TARS3: variants seen among roughly 807,000 people sequenced by gnomAD.
TARS3 encodes threonyl-tRNA synthetase 3.
TARS3 carries 94 observed loss-of-function variants against 103.5 expected under a neutral mutation model. The ratio of observed to expected loss-of-function variants is 0.91; its 90% CI spans 0.77 to 1.08. The LOEUF (loss-of-function observed/expected upper bound fraction) is 1.08, where lower values mean the gene tolerates loss of function less well. TARS3 is among the 50% of genes least tolerant of loss of function. The probability of loss-of-function intolerance (pLI) is 0.00; values close to 1 mark genes in which losing one functional copy is unlikely to be tolerated. For synonymous variants in TARS3, 416 were observed against 355.4 expected, an observed-to-expected ratio of 1.17 and a Z score of -1.92; for missense variants, 952 against 995.2, an observed-to-expected ratio of 0.96 and a Z score of 0.58.
At chr15:101,712,407 G>C (rs900629825) in intron 4 of TARS3, among the ~76,000 whole-genome samples, 13 of 152,184 alleles carry the variant, frequency 8.5e-5, no homozygotes, top group South Asian at 8.3e-4. Context: ...TTTTCTCCAG[G>C]GGCACCCTCT....
chr15:101,712,889 C>A (rs1899938033), intron 4 of TARS3, among the ~76,000 whole-genome samples: 1 of 152,132 alleles, frequency 6.6e-6, no homozygotes, highest in Admixed American at 6.6e-5. Context: ...CAATCCCAGC[C>A]CACAGCAATA....
chr15:101,700,126 T>C (rs1316054966), intron 10 of TARS3, among the ~76,000 whole-genome samples: 1 of 152,116 alleles, frequency 6.6e-6, no homozygotes, highest in African/African-American at 2.4e-5. Context: ...CATGAATTAG[T>C]GGTAGGCACA....
At chr15:101,661,948 G>A (rs1454083344) in intron 15 of TARS3, 132 bp from the exon 16 acceptor site, 1 of 506,424 alleles carries the variant, frequency 2.0e-6, no homozygotes, top group African/African-American at 2.0e-5. Flanking sequence ...TTTGTTCTGT[G>A]ACTGTCTTGT....
In TARS3 at chr15:101,654,503, G is replaced by C. The variant is rs553514547; in HGVS notation, c.*79C>G. On this transcript the variant is annotated 3_prime_UTR_variant, in exon 19 of 19. Coordinates refer to ENST00000335968, the MANE Select transcript of TARS3 (RefSeq NM_152334.3). Reference sequence around the variant, plus strand: ...ACCCATCAGTGGCTCCAAAGTCGTAGAAGTACTAACATGTTAAGAAAAATA... The same window carrying C: ...ACCCATCAGTGGCTCCAAAGTCGTACAAGTACTAACATGTTAAGAAAAATA... The C allele has an allele frequency of 6.7e-7, 1 of 1,500,926 alleles. No homozygotes were observed. Among genetic ancestry groups the C allele is most frequent in the African/African-American group, 1.4e-5 (1 of 70,808 alleles). 93.0% of individuals were successfully genotyped at this position (1,500,926 alleles called of 1,614,324 possible).
intron 10 of TARS3, chr15:101,699,366 G>A (rs965663034): frequency 4.2e-5 from 19 of 455,704 alleles, no homozygotes; most frequent in Middle Eastern, 6.5e-4. Flanking sequence ...GTGCATTTAA[G>A]TGCCTTTACA....
At position 101,724,265 on chromosome 15, in the gene TARS3, G is replaced by C. The variant is rs773000889; in HGVS notation, c.123C>G (p.Tyr41Ter). 1 of 1,569,296 alleles carries C rather than the reference G, an allele frequency of 6.4e-7. No individual in the cohort carries two copies. The highest frequency in any genetic ancestry group is 1.4e-5 in the African/African-American group (1 of 71,970). The change falls in exon 1 of 19, where the codon TAC becomes TAG. Residue 41 changes from tyrosine to a stop codon, truncating the protein, a stop_gained. Transcript: ENST00000335968. LOFTEE classifies it high-confidence loss of function. ...GGCACGGCCCCTCCGCCTGGCAGCT[G>C]TAGGGCGCGTTCAGCTGCTCGTCCC... is the stretch of plus-strand genomic sequence containing the variant. ...RLRDEQLNAP[Y>*]SCQAEGPCLT...
intron 3 of TARS3, among the ~76,000 whole-genome samples, chr15:101,718,292 C>A (rs146148012): frequency 1.8e-3 from 263 of 150,188 alleles, no homozygotes; most frequent in African/African-American, 6.0e-3. Context: ...CGCTTGAAAC[C>A]GGAGGGCGGA....
intron 6 of TARS3, among the ~76,000 whole-genome samples, chr15:101,708,353 T>C (rs898328590): frequency 6.8e-6 from 1 of 147,094 alleles, no homozygotes; most frequent in African/African-American, 2.5e-5. Context: ...AAATCAGGAA[T>C]ATATTTAAGT....
At chr15:101,664,924 C>A (rs1474250877) in intron 15 of TARS3, among the ~76,000 whole-genome samples, 1 of 146,772 alleles carries the variant, frequency 6.8e-6, no homozygotes, top group Non-Finnish European at 1.6e-5. Flanking sequence ...AAAACACGAA[C>A]AACAGAGATT....
chr15:101,662,613 ACT>A (rs1228137369), intron 15 of TARS3, among the ~76,000 whole-genome samples: 1 of 152,170 alleles, frequency 6.6e-6, no homozygotes, highest in Non-Finnish European at 1.5e-5. Flanking sequence ...TGCAGGCAAA[ACT>A]CTCTGTCTGG....
intron 12 of TARS3, among the ~76,000 whole-genome samples, chr15:101,681,481 G>T (rs1381309345): frequency 6.6e-6 from 1 of 152,086 alleles, no homozygotes; most frequent in Non-Finnish European, 1.5e-5. Context: ...CACTGTATAG[G>T]TTGTGTATGT....
chr15:101,724,190 G>A lies in TARS3; in HGVS notation c.198C>T (p.His66=). The part of the protein sequence containing the change: ...QLRAENCDLR[H]RLCSLRLCLA... The stretch of plus-strand genomic sequence containing the variant: ...GGCACAGCCGCAGGCTGCACAGGCG[G>A]TGGCGCAGGTCGCAGTTCTCGGCCC... Residue 66 remains histidine, a synonymous_variant, in exon 1 of 19, where the codon CAC becomes CAT. Coordinates refer to ENST00000335968, the MANE Select transcript of TARS3 (RefSeq NM_152334.3). 2 of 1,520,504 alleles carry A rather than the reference G, an allele frequency of 1.3e-6. No homozygotes were observed. The highest frequency in any genetic ancestry group is 2.0e-5 in the Admixed American group (1 of 49,674). The allele number at this position is 1,520,504 out of a possible 1,614,324, so 94.2% of individuals were successfully genotyped here.
chr15:101,715,720 C>A (rs1900122361), intron 3 of TARS3, among the ~76,000 whole-genome samples: 1 of 152,164 alleles, frequency 6.6e-6, no homozygotes, highest in Non-Finnish European at 1.5e-5. Flanking sequence ...CACTGCTGCA[C>A]ACTGAGGTCG....
In TARS3 at chr15:101,675,679, C is replaced by A. The variant is rs760481862; in HGVS notation, c.1709G>T (p.Gly570Val). ...TGACAGGTTTAATTGAAAGGAGAAG[C>A]CAAATGTTGAGTAAACAGATTGCAA... ...QFLQSVYSTF[G>V]FSFQLNLSTR... Residue 570 changes from glycine to valine, a missense_variant, in exon 13 of 19, where the codon GGC (glycine) becomes GTC (valine). Gly to Val is a moderately radical substitution (Grantham distance 109). This residue lies in a region of TARS3 where 540 missense variants were observed against 631.0 expected (regional missense o/e 0.86). Transcript: ENST00000335968. The A allele has an allele frequency of 1.2e-6, 2 of 1,614,054 alleles. No individual in the cohort carries two copies. The highest frequency in any genetic ancestry group is 1.7e-6 in the Non-Finnish European group (2 of 1,180,000).
rs549947168 is a variant in TARS3 at position 101,673,011 on chromosome 15, G to A, written c.1789-1263C>T. Among the ~76,000 whole-genome samples the A allele has an allele frequency of 2.0e-5, 3 of 152,326 alleles. No individual in the cohort carries two copies. The South Asian group carries it at 6.2e-4, about 32-fold the overall frequency. ...TCGGGCCTTGGAGGACACAGGACAG[G>A]AGGGCACAGTAGGAGCTGCCAGAGC... On this transcript the variant is annotated intron_variant, in intron 13 of 18. Transcript: ENST00000335968.
chr15:101,690,544 T>C (rs549535721), intron 10 of TARS3, among the ~76,000 whole-genome samples: 2 of 152,292 alleles, frequency 1.3e-5, no homozygotes, highest in South Asian at 4.1e-4. Context: ...CTTTTACCTA[T>C]AAAAAGAAAG....
chr15:101,665,483 T>G (rs982335484), intron 15 of TARS3, among the ~76,000 whole-genome samples: 1 of 152,230 alleles, frequency 6.6e-6, no homozygotes, highest in African/African-American at 2.4e-5. Context: ...TGCTACCATT[T>G]AAAATTGTAC....
chr15:101,701,185 C>CT lies in TARS3; in HGVS notation c.1222-2dup. On this transcript the variant is annotated splice_acceptor_variant, in intron 9 of 18. Coordinates refer to ENST00000335968, the MANE Select transcript of TARS3 (RefSeq NM_152334.3). LOFTEE classifies it high-confidence loss of function. ...CGTGGAAAAAGAAAAGTTCTTGTTC[C>CT]TAGATTGAAACAAAAATTGCATTTC... is the stretch of plus-strand genomic sequence containing the variant. 6.3e-7 allele frequency: 1 copy of CT among 1,585,402 alleles called. No homozygotes were observed. The highest frequency in any genetic ancestry group is 2.2e-5 in the East Asian group (1 of 44,558).
intron 10 of TARS3, among the ~76,000 whole-genome samples, chr15:101,692,013 G>C (rs997276148): frequency 1.3e-5 from 2 of 152,142 alleles, no homozygotes. Context: ...AATCACACAA[G>C]CCAATTCCTC....
Sources: allele counts gnomAD v4.1 joint callset (sites outside exome capture counted in the v4.1 genomes callset), GRCh38; gene constraint gnomAD v4.1.1; regional missense constraint gnomAD v4.1.1; transcripts MANE v1.5; gene names NCBI Gene and HGNC (gene_info 2026-07-23, HGNC 2026-07-21).